The following CHCHD3 variants were observed in gnomAD, a reference collection of about 807,000 sequenced individuals.
CHCHD3 encodes the protein coiled-coil-helix-coiled-coil-helix domain containing 3.
In CHCHD3, 20 loss-of-function variants were observed where a neutral mutation model predicts 38.2. That is an observed-to-expected ratio of 0.52 (90% confidence interval 0.37 to 0.76). The LOEUF is 0.76. Ranked by LOEUF, CHCHD3 falls within the 30% of genes least tolerant of loss-of-function variation. The probability of loss-of-function intolerance (pLI) is 0.00; values close to 1 mark genes in which losing one functional copy is unlikely to be tolerated. For synonymous variants in CHCHD3, 82 were observed against 100.0 expected (o/e 0.82, Z 1.07); for missense variants, 245 against 279.2 (o/e 0.88, Z 0.87).
chr7:132,877,990 T>C (rs191735201), intron 5 of CHCHD3, among the ~76,000 whole-genome samples: 6 of 152,308 alleles, frequency 3.9e-5, no homozygotes, highest in Admixed American at 1.3e-4. Context: ...GGCAACTGTT[T>C]AGAAAGCACG....
chr7:132,868,580 C>T (rs1808689097), intron 5 of CHCHD3, among the ~76,000 whole-genome samples: 2 of 152,052 alleles, frequency 1.3e-5, no homozygotes, highest in Non-Finnish European at 2.9e-5. Flanking sequence ...TAGACTCTTG[C>T]ATAAGTTGCA....
chr7:133,028,764 A>G (rs1372318017), intron 2 of CHCHD3, among the ~76,000 whole-genome samples: 1 of 152,104 alleles, frequency 6.6e-6, no homozygotes, highest in African/African-American at 2.4e-5. Context: ...GCACACCTGC[A>G]ATCCCAGCTA....
intron 4 of CHCHD3, among the ~76,000 whole-genome samples, chr7:132,898,792 G>A (rs934291869): frequency 2.6e-5 from 4 of 152,206 alleles, no homozygotes; most frequent in Admixed American, 6.5e-5. Flanking sequence ...CGAGCGCAGC[G>A]CCGGTGGGCT....
chr7:132,995,635 G>A (rs754184366), intron 3 of CHCHD3, among the ~76,000 whole-genome samples: 1 of 152,220 alleles, frequency 6.6e-6, no homozygotes, highest in Non-Finnish European at 1.5e-5. Context: ...GCCATAGTGT[G>A]AAGCTGCGGA....
chr7:132,970,993 A>G (rs1337314463), intron 4 of CHCHD3, among the ~76,000 whole-genome samples: 6 of 152,220 alleles, frequency 3.9e-5, no homozygotes, highest in Non-Finnish European at 8.8e-5. Flanking sequence ...AGCATAATGT[A>G]GTAAGACATA....
chr7:133,014,484 A>G (rs1467297076), intron 3 of CHCHD3, among the ~76,000 whole-genome samples: 1 of 152,172 alleles, frequency 6.6e-6, no homozygotes, highest in African/African-American at 2.4e-5. Context: ...TCTAGTTCCA[A>G]CGGCAAATTG....
chr7:132,808,071 C>G (rs1286343153), intron 6 of CHCHD3, among the ~76,000 whole-genome samples: 2 of 152,144 alleles, frequency 1.3e-5, no homozygotes, highest in Middle Eastern at 3.2e-3. Flanking sequence ...AAAATGTAAG[C>G]TGGGAAACAA....
At chr7:132,893,708 G>T (rs1809425759) in intron 4 of CHCHD3, among the ~76,000 whole-genome samples, 1 of 152,162 alleles carries the variant, frequency 6.6e-6, no homozygotes, top group South Asian at 2.1e-4. Flanking sequence ...CCCACGAGCA[G>T]TTCCAGTGAT....
In CHCHD3 at chr7:132,973,276, T is replaced by G. The variant is rs986872496; in HGVS notation, c.369+1893A>C. 4.1e-6 allele frequency: 4 copies of G among 985,440 alleles called. No individual in the cohort carries two copies. The South Asian group carries it at 1.4e-4, about 35-fold the overall frequency. The allele number at this position is 985,440 out of a possible 1,614,324, so 61.0% of individuals were successfully genotyped here. On this transcript the variant is annotated intron_variant, in intron 4 of 7. Coordinates refer to ENST00000262570, the MANE Select transcript of CHCHD3 (RefSeq NM_017812.4). ...TCTGCCCGCTGGAAACTAAGAGTTT[T>G]GCTCTCGTACCTTCCTCAAACATGA... is the stretch of plus-strand genomic sequence containing the variant.
intron 4 of CHCHD3, among the ~76,000 whole-genome samples, chr7:132,941,763 A>C (rs1333986909): frequency 6.6e-6 from 1 of 152,130 alleles, no homozygotes; most frequent in African/African-American, 2.4e-5. Context: ...ATTTCTGAAA[A>C]GCACAGGACG....
chr7:133,014,192 A>T (rs921179207), intron 3 of CHCHD3, among the ~76,000 whole-genome samples: 6 of 152,186 alleles, frequency 3.9e-5, no homozygotes, highest in Non-Finnish European at 5.9e-5. Context: ...GAAACAAGGA[A>T]TTTAAAAGAT....
chr7:132,797,601 T>C (rs1806652838), intron 6 of CHCHD3, among the ~76,000 whole-genome samples: 1 of 152,224 alleles, frequency 6.6e-6, no homozygotes, highest in Non-Finnish European at 1.5e-5. Context: ...AGTCATGTAA[T>C]ACATTTACTG....
intron 3 of CHCHD3, among the ~76,000 whole-genome samples, chr7:133,015,861 G>A (rs542466362): frequency 1.3e-5 from 2 of 152,148 alleles, no homozygotes; most frequent in Non-Finnish European, 2.9e-5. Context: ...CAGCATTTTG[G>A]GAGGCCTCAG....
intron 5 of CHCHD3, among the ~76,000 whole-genome samples, chr7:132,865,986 C>T (rs570949325): frequency 6.6e-6 from 1 of 152,276 alleles, no homozygotes; most frequent in East Asian, 1.9e-4. Context: ...ATATAGCCTC[C>T]AGTGGTATAG....
chr7:132,948,067 GTTTT>G (rs1389677677), intron 4 of CHCHD3, among the ~76,000 whole-genome samples: 2 of 152,018 alleles, frequency 1.3e-5, no homozygotes, highest in Non-Finnish European at 2.9e-5. Flanking sequence ...AACAAGACTA[GTTTT>G]TTGTTTTGTT....
intron 3 of CHCHD3, among the ~76,000 whole-genome samples, chr7:133,023,980 T>C (rs941822513): frequency 1.3e-5 from 2 of 152,188 alleles, no homozygotes; most frequent in African/African-American, 4.8e-5. Context: ...AACAATCAGA[T>C]GGAAGTGTGT....
chr7:132,994,850 A>C (rs1057173365), intron 3 of CHCHD3, among the ~76,000 whole-genome samples: 2 of 152,344 alleles, frequency 1.3e-5, no homozygotes, highest in Middle Eastern at 6.8e-3. Flanking sequence ...CTTTCTGTTG[A>C]AAGTCACCTT....
chr7:133,019,556 A>C (rs1165344709), intron 3 of CHCHD3, among the ~76,000 whole-genome samples: 1 of 152,228 alleles, frequency 6.6e-6, no homozygotes, highest in Non-Finnish European at 1.5e-5. Context: ...TACCAGATAG[A>C]TTATTTGAAG....
At chr7:132,866,770 G>C (rs995499645) in intron 5 of CHCHD3, among the ~76,000 whole-genome samples, 1 of 152,186 alleles carries the variant, frequency 6.6e-6, no homozygotes, top group Admixed American at 6.5e-5. Context: ...GCCAGACTTG[G>C]CAAGACAGAT....
Sources: allele counts gnomAD v4.1 joint callset (sites outside exome capture counted in the v4.1 genomes callset), GRCh38; gene constraint gnomAD v4.1.1; transcripts MANE v1.5; gene names NCBI Gene and HGNC (gene_info 2026-07-23, HGNC 2026-07-21).